Variants in TTLL11 observed in about 807,000 individuals in gnomAD.
TTLL11 encodes the protein tubulin polyglutamylase TTLL11.
TTLL11 carries 42 observed loss-of-function variants against 51.7 expected under a neutral mutation model. That is an observed-to-expected ratio of 0.81 (90% CI 0.64 to 1.05). The LOEUF (loss-of-function observed/expected upper bound fraction) is 1.05. Among genes scored for constraint, TTLL11 ranks in the 50% least tolerant of loss-of-function variants. TTLL11 has a pLI of 0.00. For missense variants in TTLL11, 799 were observed against 940.4 expected (o/e 0.85, Z 1.97); for synonymous variants, 381 against 383.5 (o/e 0.99, Z 0.08).
chr9:121,946,863 C>G (rs573269815), intron 6 of TTLL11, among the ~76,000 whole-genome samples: 9 of 152,288 alleles, frequency 5.9e-5, no homozygotes, highest in Admixed American at 2.0e-4. Context: ...TTGAGAACCA[C>G]TGTTTCTGGG....
chr9:121,904,524 C>T (rs941344040), intron 6 of TTLL11, among the ~76,000 whole-genome samples: 11 of 152,322 alleles, frequency 7.2e-5, no homozygotes, highest in South Asian at 4.1e-4. Flanking sequence ...GCCACACCAG[C>T]GGATTCAGCC....
intron 6 of TTLL11, among the ~76,000 whole-genome samples, chr9:121,965,785 C>T (rs766892497): frequency 1.1e-4 from 16 of 152,146 alleles, no homozygotes; most frequent in Non-Finnish European, 2.2e-4. Flanking sequence ...TAAGAGGTGC[C>T]ACCAATTTAA....
At chr9:122,051,392 A>T (rs1022572796) in intron 1 of TTLL11, among the ~76,000 whole-genome samples, 1 of 152,250 alleles carries the variant, frequency 6.6e-6, no homozygotes, top group African/African-American at 2.4e-5. Context: ...TTTCTTTAAC[A>T]TACCCTGCAG....
intron 1 of TTLL11, among the ~76,000 whole-genome samples, chr9:122,069,492 G>C (rs1588255071): frequency 6.6e-6 from 1 of 152,138 alleles, no homozygotes; most frequent in Non-Finnish European, 1.5e-5. Flanking sequence ...AGACCAGCCT[G>C]GCCAACATGG....
chr9:121,897,330 G>T (rs1009748044), intron 6 of TTLL11, among the ~76,000 whole-genome samples: 1 of 152,140 alleles, frequency 6.6e-6, no homozygotes, highest in Admixed American at 6.5e-5. Flanking sequence ...CAGCTAGCAC[G>T]CGGTAGAACT....
intron 7 of TTLL11, among the ~76,000 whole-genome samples, chr9:121,862,851 C>A (rs979742991): frequency 6.6e-6 from 1 of 152,172 alleles, no homozygotes; most frequent in Non-Finnish European, 1.5e-5. Flanking sequence ...TGCCATTATC[C>A]CTTGTGTGAA....
intron 1 of TTLL11, among the ~76,000 whole-genome samples, chr9:122,060,623 G>C: frequency 6.6e-6 from 1 of 152,184 alleles, no homozygotes. Context: ...TCAGATCTTG[G>C]TTTGAATCCA....
chr9:121,820,290 A>C lies in TTLL11; in HGVS notation c.*2297T>G, dbSNP rs1432043247. Among the ~76,000 whole-genome samples the C allele has an allele frequency of 6.6e-6, 1 of 152,228 alleles. No homozygotes were observed. Among genetic ancestry groups the C allele is most frequent in the Non-Finnish European group, 1.5e-5 (1 of 68,042 alleles). Reference sequence around the variant, plus strand: ...CACTTTGGCAAGCGAGTACTTTCTGAAGACCAACTTCAAGAAATGGTGTCA... The same window carrying C: ...CACTTTGGCAAGCGAGTACTTTCTGCAGACCAACTTCAAGAAATGGTGTCA... On this transcript the variant is annotated 3_prime_UTR_variant, in exon 9 of 9. Coordinates refer to ENST00000321582, the MANE Select transcript of TTLL11 (RefSeq NM_001139442.2).
chr9:121,899,402 T>TATATATATATAC (rs1465376759), intron 6 of TTLL11, among the ~76,000 whole-genome samples: 77 of 82,754 alleles, frequency 9.3e-4, no homozygotes, highest in African/African-American at 2.6e-3. Flanking sequence ...TATATATATA[T>TATATATATATAC]ACACACACAC....
intron 1 of TTLL11, among the ~76,000 whole-genome samples, chr9:122,045,017 G>C (rs1446647264): frequency 6.6e-6 from 1 of 151,978 alleles, no homozygotes; most frequent in Non-Finnish European, 1.5e-5. Flanking sequence ...GAAGCAGGAG[G>C]ATTGCTTGAA....
At chr9:122,012,288 T>C (rs536028283) in intron 3 of TTLL11, among the ~76,000 whole-genome samples, 3 of 152,048 alleles carry the variant, frequency 2.0e-5, no homozygotes, top group African/African-American at 7.2e-5. Context: ...TTTTGCAAAA[T>C]GAAATGAAAG....
At chr9:121,850,080 A>T (rs1315386243) in intron 8 of TTLL11, among the ~76,000 whole-genome samples, 1 of 151,938 alleles carries the variant, frequency 6.6e-6, no homozygotes, top group African/African-American at 2.4e-5. Flanking sequence ...ATTTTTCTTA[A>T]AAAAAACCTA....
At chr9:122,037,282 A>C (rs1200358332) in intron 2 of TTLL11, among the ~76,000 whole-genome samples, 1 of 152,186 alleles carries the variant, frequency 6.6e-6, no homozygotes, top group African/African-American at 2.4e-5. Context: ...TCCTTTTCTG[A>C]GCAGCAAGAC....
intron 8 of TTLL11, among the ~76,000 whole-genome samples, chr9:121,849,250 T>C (rs1265010377): frequency 6.6e-6 from 1 of 152,166 alleles, no homozygotes; most frequent in Non-Finnish European, 1.5e-5. Context: ...TTCACAAAAA[T>C]GAAGTCAAAA....
chr9:121,994,375 C>T (rs756560918), intron 3 of TTLL11, among the ~76,000 whole-genome samples: 6 of 152,106 alleles, frequency 3.9e-5, no homozygotes, highest in East Asian at 1.9e-4. Flanking sequence ...ACCACCACCA[C>T]GAATAATAAT....
At chr9:121,990,981 A>G (rs1843095273) in intron 3 of TTLL11, among the ~76,000 whole-genome samples, 1 of 152,034 alleles carries the variant, frequency 6.6e-6, no homozygotes, top group African/African-American at 2.4e-5. Flanking sequence ...ATGGCAGGAG[A>G]GGAGGTTTTC....
At chr9:121,927,617 C>T (rs1588131071) in intron 6 of TTLL11, among the ~76,000 whole-genome samples, 1 of 125,246 alleles carries the variant, frequency 8.0e-6, no homozygotes, top group Non-Finnish European at 1.6e-5. Flanking sequence ...CACAAGAGCA[C>T]AGAAGGTGGC....
At chr9:121,891,733 G>A (rs542426789) in intron 6 of TTLL11, among the ~76,000 whole-genome samples, 2 of 152,154 alleles carry the variant, frequency 1.3e-5, no homozygotes, top group South Asian at 2.1e-4. Context: ...GAGGATACAG[G>A]CTCAGAGAGG....
chr9:121,926,518 G>A (rs771704226), intron 6 of TTLL11, among the ~76,000 whole-genome samples: 6 of 152,216 alleles, frequency 3.9e-5, no homozygotes, highest in Non-Finnish European at 7.3e-5. Context: ...GGCTGAGGAC[G>A]GCACAGCCCT....
Sources: allele counts gnomAD v4.1 joint callset (sites outside exome capture counted in the v4.1 genomes callset), GRCh38; gene constraint gnomAD v4.1.1; transcripts MANE v1.5; gene names NCBI Gene and HGNC (gene_info 2026-07-23, HGNC 2026-07-21).